SLC9A6: variants seen among roughly 807,000 people sequenced by gnomAD.
SLC9A6 encodes the protein sodium/hydrogen exchanger 6.
A neutral mutation model predicts 45.3 loss-of-function variants in SLC9A6; 6 were observed. That is an observed-to-expected ratio of 0.13 (90% CI 0.07 to 0.26). The LOEUF is 0.26. Ranked by LOEUF, SLC9A6 falls within the 10% of genes least tolerant of loss-of-function variation. The pLI, the probability that SLC9A6 is intolerant of heterozygous loss-of-function variation, is 1.00. For missense variants in SLC9A6, 278 were observed against 503.7 expected (o/e 0.55, Z 4.29); for synonymous variants, 191 against 187.7 (o/e 1.02, Z -0.14).
At chrX:136,033,727 A>G (rs782153001) in intron 16 of SLC9A6, among the ~76,000 whole-genome samples, 1 of 111,928 alleles carries the variant, frequency 8.9e-6, no homozygotes, top group African/African-American at 3.2e-5. Context: ...AAAGGGAACC[A>G]AAGCCCAAAT....
chrX:136,040,041 A>C (rs1556622329), intron 16 of SLC9A6, 35 bp from the exon 17 acceptor site: 3 of 1,099,270 alleles, frequency 2.7e-6, no homozygotes. Flanking sequence ...TAAATTTGTA[A>C]AGAAAGGACC....
intron 2 of SLC9A6, among the ~76,000 whole-genome samples, chrX:135,993,480 T>C (rs1042533331): frequency 8.9e-6 from 1 of 112,212 alleles, no homozygotes; most frequent in Non-Finnish European, 1.9e-5. Flanking sequence ...TAAACAATTA[T>C]AGTCGATCAA....
At chrX:135,986,871 A>G (rs1278322987) in intron 2 of SLC9A6, among the ~76,000 whole-genome samples, 10 of 111,569 alleles carry the variant, frequency 9.0e-5, no homozygotes, top group African/African-American at 3.3e-4. Flanking sequence ...CGGACAAACA[A>G]TTCTTTCTGT....
At chrX:136,017,096 C>T (rs868969851) in intron 11 of SLC9A6, among the ~76,000 whole-genome samples, 2 of 111,028 alleles carry the variant, frequency 1.8e-5, no homozygotes, top group East Asian at 2.8e-4. Context: ...GGGCAGAAGG[C>T]GAAAGATAAG....
chrX:135,979,882 C>T (rs2089278660), intron 1 of SLC9A6, among the ~76,000 whole-genome samples: 2 of 111,752 alleles, frequency 1.8e-5, no homozygotes, highest in African/African-American at 6.5e-5. Flanking sequence ...TCTCCCACCT[C>T]AGCCTCCCGA....
intron 8 of SLC9A6, among the ~76,000 whole-genome samples, chrX:136,012,591 A>C (rs1450044050): frequency 6.2e-5 from 7 of 112,816 alleles, no homozygotes; most frequent in African/African-American, 2.3e-4. Context: ...AATTGCTACA[A>C]TTATGGAAGC....
At chrX:136,028,042 C>CCA (rs1353181391) in intron 13 of SLC9A6, among the ~76,000 whole-genome samples, 1 of 112,209 alleles carries the variant, frequency 8.9e-6, no homozygotes, top group African/African-American at 3.2e-5. Context: ...CAGCTAAGTG[C>CCA]CACCTCCTTT....
chrX:136,029,063 T>C (rs1373593032), intron 14 of SLC9A6, 88 bp downstream of exon 14: 4 of 277,799 alleles, frequency 1.4e-5, no homozygotes, highest in Non-Finnish European at 2.5e-5. Flanking sequence ...ATGATTCTGC[T>C]TGAAGGGGTC....
At chrX:135,981,825 T>C (rs1166705354), upstream of SLC9A6, among the ~76,000 whole-genome samples, 1 of 111,864 alleles carries the variant, frequency 8.9e-6, no homozygotes, top group African/African-American at 3.3e-5. Context: ...TATGAAAGTG[T>C]AGAGGAATGA....
At chrX:135,983,583 G>A (rs1335532747), upstream of SLC9A6, 2 of 109,433 alleles carry the variant, frequency 1.8e-5, no homozygotes, top group South Asian at 4.1e-4. Context: ...CCTAGAACTC[G>A]AGTACAAAGA....
chrX:135,994,646 A>G (rs2089474353), intron 2 of SLC9A6, 140 bp from the exon 3 acceptor site: 2 of 568,874 alleles, frequency 3.5e-6, no homozygotes, highest in South Asian at 2.4e-5. Context: ...ATTTTAAAAC[A>G]TAACTGCATT....
chrX:136,008,620 A>C (rs1398417600), intron 7 of SLC9A6, among the ~76,000 whole-genome samples: 1 of 112,428 alleles, frequency 8.9e-6, no homozygotes, highest in African/African-American at 3.2e-5. Flanking sequence ...TTACAGCTAA[A>C]TAAGAATTAG....
At chrX:136,002,875 C>T (rs1556617539) in intron 7 of SLC9A6, among the ~76,000 whole-genome samples, 1 of 109,924 alleles carries the variant, frequency 9.1e-6, no homozygotes, top group Non-Finnish European at 1.9e-5. Context: ...TTTCTGAATA[C>T]ATAATATATT....
intron 3 of SLC9A6, among the ~76,000 whole-genome samples, chrX:135,995,934 G>A (rs1473769064): frequency 9.2e-6 from 1 of 109,219 alleles, no homozygotes; most frequent in Non-Finnish European, 1.9e-5. Flanking sequence ...CATGATAAAC[G>A]GCTCAATGCC....
Position 136,013,505 on chromosome X carries a change from T to TA in SLC9A6, c.1080+80dup, listed in dbSNP as rs35492327. The TA allele has an allele frequency of 0.046, 25,994 of 571,118 alleles. 74 individuals carry two copies. Among genetic ancestry groups the TA allele is most frequent in the East Asian group, 0.09 (2,093 of 23,162 alleles). 47.1% of individuals were successfully genotyped at this position (571,118 alleles called of 1,213,427 possible). A position where few individuals can be genotyped will look rare whatever the true frequency, so the allele number is the denominator to read the frequency against. On this transcript the variant is annotated intron_variant, in intron 10 of 17. Transcript: ENST00000630721. The stretch of plus-strand genomic sequence containing the variant: ...TCAGCAAAATAGAAGTCTTTTTTAC[T>TA]AAAAAAAAAAAATAGTCTTTGATCT...
chrX:135,985,639 G>A lies in SLC9A6; in HGVS notation c.-20G>A, dbSNP rs782736274. On this transcript the variant is annotated 5_prime_UTR_variant, in exon 2 of 18. Coordinates refer to ENST00000630721, the MANE Select transcript of SLC9A6 (RefSeq NM_001379110.1). ...GACTGGGCAGGGGCTTCGGACGGCG[G>A]CGGCGGAGAGGCTAGAGCCATGGAC... 1 of 1,211,809 alleles carries A rather than the reference G, an allele frequency of 8.3e-7. No homozygotes were observed.
intron 13 of SLC9A6, among the ~76,000 whole-genome samples, chrX:136,027,903 C>T (rs1490192479): frequency 8.9e-6 from 1 of 112,522 alleles, no homozygotes; most frequent in Non-Finnish European, 1.9e-5. Context: ...ATTCCCATGT[C>T]CTTTCACATA....
At chrX:135,998,004 C>T in intron 3 of SLC9A6, 104 bp from the exon 4 acceptor site, 1 of 512,804 alleles carries the variant, frequency 2.0e-6, no homozygotes, top group South Asian at 2.7e-5. Flanking sequence ...AATGTTCTTG[C>T]CTTTGACTAG....
intron 13 of SLC9A6, among the ~76,000 whole-genome samples, chrX:136,028,169 G>C (rs782329848): frequency 1.8e-5 from 2 of 112,260 alleles, no homozygotes. Flanking sequence ...CTGCCACTTA[G>C]TGTTAATGTT....
Sources: gnomAD v4.1 joint callset for allele counts (sites outside exome capture counted in the v4.1 genomes callset) on GRCh38, gnomAD v4.1.1 for gene constraint, MANE v1.5 for transcripts, NCBI Gene and HGNC (gene_info 2026-07-23, HGNC 2026-07-21) for gene names.